GRM5: variants seen among roughly 807,000 people sequenced by gnomAD.
The protein encoded by GRM5 is glutamate metabotropic receptor 5.
Under a neutral mutation model 83.1 loss-of-function variants are expected in GRM5, and 19 were observed. That is an observed-to-expected ratio of 0.23 (90% CI 0.16 to 0.34). The LOEUF (loss-of-function observed/expected upper bound fraction) is 0.34, where lower values mean the gene tolerates loss of function less well. GRM5 is among the 10% of genes least tolerant of loss of function. The pLI, the probability that GRM5 is intolerant of heterozygous loss-of-function variation, is 1.00. For missense variants in GRM5, 1,160 were observed against 1,588.3 expected (o/e 0.73, Z 4.58); for synonymous variants, 675 against 633.6 (o/e 1.07, Z -0.98).
chr11:88,518,462 A>G (rs1729533668), intron 9 of GRM5, among the ~76,000 whole-genome samples: 1 of 152,050 alleles, frequency 6.6e-6, no homozygotes, highest in Non-Finnish European at 1.5e-5. Flanking sequence ...GGTAAATGGT[A>G]TAGAAAGTAA....
chr11:88,765,917 G>A (rs538198684), intron 3 of GRM5, among the ~76,000 whole-genome samples: 2 of 151,574 alleles, frequency 1.3e-5, no homozygotes, highest in African/African-American at 2.4e-5. Context: ...CACACAGAAT[G>A]GGAGAAAATG....
chr11:89,032,454 G>C (rs1941283644), intron 2 of GRM5, among the ~76,000 whole-genome samples: 1 of 152,064 alleles, frequency 6.6e-6, no homozygotes, highest in South Asian at 2.1e-4. Flanking sequence ...GGCACCAGGA[G>C]CCTCGTTCTG....
chr11:88,828,648 G>A (rs942243739), intron 3 of GRM5, among the ~76,000 whole-genome samples: 3 of 152,086 alleles, frequency 2.0e-5, no homozygotes, highest in African/African-American at 7.2e-5. Flanking sequence ...TTTAGTGAAT[G>A]TAATAAATCA....
At chr11:88,533,723 A>G (rs955296839) in intron 8 of GRM5, among the ~76,000 whole-genome samples, 5 of 152,214 alleles carry the variant, frequency 3.3e-5, no homozygotes, top group Admixed American at 1.3e-4. Flanking sequence ...GGAAATTTGC[A>G]TAAGTAATGA....
intron 2 of GRM5, among the ~76,000 whole-genome samples, chr11:88,969,559 A>C (rs1456890286): frequency 6.6e-6 from 1 of 152,118 alleles, no homozygotes; most frequent in Non-Finnish European, 1.5e-5. Flanking sequence ...AAATGAGCTG[A>C]AATTACTTTT....
In GRM5 at chr11:88,629,529, G is replaced by A. The variant is rs188446642; in HGVS notation, c.1147+23639C>T. On this transcript the variant is annotated intron_variant, in intron 4 of 9. Transcript: ENST00000305447. Reference sequence around the variant, plus strand: ...TTAGAATGCCTTCTTTATTGATCACGGACAAATAGAAAACCTCTTCATGAT... The same window carrying A: ...TTAGAATGCCTTCTTTATTGATCACAGACAAATAGAAAACCTCTTCATGAT... Among the ~76,000 whole-genome samples, 104 of 152,160 alleles carry A rather than the reference G, an allele frequency of 6.8e-4. 2 individuals are homozygous for A. The Middle Eastern group carries it at 0.014, about 20-fold the overall frequency.
chr11:88,675,288 A>G (rs1168130396), intron 3 of GRM5, among the ~76,000 whole-genome samples: 1 of 151,974 alleles, frequency 6.6e-6, no homozygotes, highest in Non-Finnish European at 1.5e-5. Context: ...TTGTCCTAGC[A>G]CTTCACTGGA....
intron 2 of GRM5, among the ~76,000 whole-genome samples, chr11:88,951,456 G>A (rs1044649905): frequency 6.6e-6 from 1 of 152,226 alleles, no homozygotes; most frequent in Non-Finnish European, 1.5e-5. Context: ...CACTGAGCCT[G>A]CTGAACTCTC....
intron 2 of GRM5, among the ~76,000 whole-genome samples, chr11:88,912,310 T>C (rs1334762113): frequency 1.3e-5 from 2 of 151,830 alleles, no homozygotes; most frequent in South Asian, 2.1e-4. Flanking sequence ...TTTGTTACTT[T>C]CTTAAAGGGG....
intron 3 of GRM5, among the ~76,000 whole-genome samples, chr11:88,681,165 A>C (rs902506519): frequency 6.6e-6 from 1 of 152,082 alleles, no homozygotes; most frequent in Non-Finnish European, 1.5e-5. Flanking sequence ...AGGACATTCA[A>C]ATTTACACAA....
intron 7 of GRM5, among the ~76,000 whole-genome samples, chr11:88,588,720 A>C (rs1937594096): frequency 2.0e-5 from 3 of 152,284 alleles, no homozygotes; most frequent in African/African-American, 7.2e-5. Flanking sequence ...GGATATTTCC[A>C]TGTTTTTATT....
At chr11:88,950,326 C>A (rs1043182169) in intron 2 of GRM5, among the ~76,000 whole-genome samples, 2 of 148,748 alleles carry the variant, frequency 1.3e-5, no homozygotes, top group Non-Finnish European at 3.0e-5. Context: ...CTAAACAGAA[C>A]CTATTAAGAG....
intron 3 of GRM5, among the ~76,000 whole-genome samples, chr11:88,703,469 CCT>C (rs959138883): frequency 2.6e-5 from 4 of 152,044 alleles, no homozygotes; most frequent in African/African-American, 9.7e-5. Context: ...TCAAACCAAA[CCT>C]AGTTCAATTA....
In GRM5 at chr11:88,670,301, T is replaced by A. The variant is rs117792976; in HGVS notation, c.912-16898A>T. Among the ~76,000 whole-genome samples, 221 of 152,022 alleles carry A rather than the reference T, an allele frequency of 1.5e-3. 6 individuals carry two copies. In the East Asian group the frequency reaches 0.04, roughly 27 times the overall value. Reference sequence around the variant, plus strand: ...ATAAAATAATAAATCTTCTTGATAATAATAAAAGGAGATATTTTCACCATA... The same window carrying A: ...ATAAAATAATAAATCTTCTTGATAAAAATAAAAGGAGATATTTTCACCATA... On this transcript the variant is annotated intron_variant, in intron 3 of 9. Coordinates refer to ENST00000305447, the MANE Select transcript of GRM5 (RefSeq NM_001143831.3).
chr11:88,847,360 C>A (rs775067960), intron 3 of GRM5, among the ~76,000 whole-genome samples: 35 of 152,050 alleles, frequency 2.3e-4, no homozygotes, highest in Non-Finnish European at 3.4e-4. Flanking sequence ...CAACATTTGT[C>A]AAATAATGAT....
chr11:88,813,441 T>C (rs1943618528), intron 3 of GRM5, among the ~76,000 whole-genome samples: 1 of 152,186 alleles, frequency 6.6e-6, no homozygotes, highest in African/African-American at 2.4e-5. Context: ...TGACTTATTC[T>C]ACCACCATCT....
chr11:89,035,582 T>G (rs1434087212), intron 2 of GRM5, among the ~76,000 whole-genome samples: 1 of 151,954 alleles, frequency 6.6e-6, no homozygotes, highest in Non-Finnish European at 1.5e-5. Context: ...AAATATCTTT[T>G]CATTCTATTT....
chr11:88,598,277 T>C (rs1457028678), intron 5 of GRM5, among the ~76,000 whole-genome samples: 2 of 152,126 alleles, frequency 1.3e-5, no homozygotes, highest in Non-Finnish European at 2.9e-5. Context: ...CTGATATGAA[T>C]GGAAAATGTT....
At chr11:88,841,221 A>C (rs549595760) in intron 3 of GRM5, among the ~76,000 whole-genome samples, 4 of 152,316 alleles carry the variant, frequency 2.6e-5, no homozygotes, top group African/African-American at 9.6e-5. Flanking sequence ...AACCTGTTAC[A>C]GCAAATATTC....
Sources: allele counts gnomAD v4.1 joint callset (sites outside exome capture counted in the v4.1 genomes callset), GRCh38; gene constraint gnomAD v4.1.1; transcripts MANE v1.5; gene names NCBI Gene and HGNC (gene_info 2026-07-23, HGNC 2026-07-21).